Variants in ZNF442 observed in about 807,000 individuals in gnomAD.
ZNF442 encodes the protein zinc finger protein 442.
ZNF442 carries 45 observed loss-of-function variants against 57.0 expected under a neutral mutation model. The ratio of observed to expected loss-of-function variants is 0.79; its 90% CI spans 0.62 to 1.01. The LOEUF (loss-of-function observed/expected upper bound fraction) is 1.01, where lower values mean the gene tolerates loss of function less well. Among genes scored for constraint, ZNF442 ranks in the 50% least tolerant of loss-of-function variants. ZNF442 has a pLI of 0.00. For synonymous variants in ZNF442, 213 were observed against 241.8 expected (o/e 0.88, Z 1.10); for missense variants, 690 against 756.5 (o/e 0.91, Z 1.03).
At chr19:12,369,032 T>C (rs1245732281), upstream of ZNF442, among the ~76,000 whole-genome samples, 1 of 152,182 alleles carries the variant, frequency 6.6e-6, no homozygotes, top group Non-Finnish European at 1.5e-5. Context: ...TTCCCATATT[T>C]GTATGAAATA....
chr19:12,365,763 C>T (rs1484085832), upstream of ZNF442: 1 of 165,944 alleles, frequency 6.0e-6, no homozygotes, highest in Non-Finnish European at 1.2e-5. Context: ...CTCCAAATTC[C>T]GCCCCCCCAG....
rs1338766483 is a variant in ZNF442 at position 12,354,154 on chromosome 19, T to C, written c.79-1040A>G. On this transcript the variant is annotated intron_variant, in intron 3 of 5. Transcript: ENST00000242804. Reference sequence around the variant, plus strand: ...CTGAGTCTCTAATGAATGACATCCATAAATAACTTTTCAAAATGTTTATTG... The same window carrying C: ...CTGAGTCTCTAATGAATGACATCCACAAATAACTTTTCAAAATGTTTATTG... 5.3e-5 allele frequency among the ~76,000 whole-genome samples: 8 copies of C among 152,192 alleles called. No individual in the cohort carries two copies. The East Asian group carries it at 1.5e-3, about 29-fold the overall frequency.
At chr19:12,362,800 CAGATTGTTGT>C (rs1309495946) in intron 3 of ZNF442, among the ~76,000 whole-genome samples, 1 of 151,276 alleles carries the variant, frequency 6.6e-6, no homozygotes, top group Non-Finnish European at 1.5e-5. Context: ...AAAGAGAAAT[CAGATTGTTGT>C]TGTGTCTGTG....
intron 3 of ZNF442, among the ~76,000 whole-genome samples, chr19:12,354,068 G>C (rs1421452351): frequency 6.6e-6 from 1 of 152,054 alleles, no homozygotes; most frequent in African/African-American, 2.4e-5. Context: ...TCTAGCTTCA[G>C]GTATTCTGTT....
In ZNF442 at chr19:12,358,859, C is replaced by G. The variant is rs1343152640; in HGVS notation, c.78+4695G>C. On this transcript the variant is annotated intron_variant, in intron 3 of 5. Coordinates refer to ENST00000242804, the MANE Select transcript of ZNF442 (RefSeq NM_030824.3). ...ATGTCACAACCAATCAGCCACCAGG[C>G]AGATGCCAGTGGCAAGCCCCAGAGA... Among the ~76,000 whole-genome samples the G allele has an allele frequency of 4.6e-5, 7 of 152,160 alleles. No individual in the cohort carries two copies. In the South Asian group the frequency reaches 1.4e-3, roughly 32 times the overall value.
At chr19:12,371,876 A>G in the ZNF442 span, among the ~76,000 whole-genome samples, 1 of 152,242 alleles carries the variant, frequency 6.6e-6, no homozygotes, top group Non-Finnish European at 1.5e-5. Context: ...CATCCTGTAC[A>G]CAGGAACAGG....
chr19:12,370,472 T>C (rs1969571752), upstream of ZNF442, among the ~76,000 whole-genome samples: 1 of 152,026 alleles, frequency 6.6e-6, no homozygotes. Context: ...CACAGTCTGG[T>C]ACCGATCCAT....
chr19:12,363,619 C>T lies in ZNF442; in HGVS notation c.13G>A (p.Gly5Arg), dbSNP rs147171494. The T allele has an allele frequency of 6.2e-7, 1 of 1,614,170 alleles. No individual in the cohort carries two copies. Among genetic ancestry groups the T allele is most frequent in the Non-Finnish European group, 8.5e-7 (1 of 1,180,008 alleles). The change falls in exon 3 of 6, where the codon GGG becomes AGG. Residue 5 changes from glycine to arginine, a missense_variant. By Grantham distance (125) the Gly-to-Arg change is moderately radical. Coordinates refer to ENST00000242804, the MANE Select transcript of ZNF442 (RefSeq NM_030824.3). MIVFGGEDRSDLFLP... is the reference protein window; with the variant it reads MIVFRGEDRSDLFLP... The stretch of plus-strand genomic sequence containing the variant: ...AAGAGATCACTTCTGTCTTCTCCCC[C>T]AAATACAATCATTCAACTGGCTGAC...
intron 2 of ZNF442, 44 bp from the exon 3 acceptor site, chr19:12,363,715 T>G: frequency 7.7e-7 from 1 of 1,295,540 alleles, no homozygotes; most frequent in Non-Finnish European, 1.1e-6. Flanking sequence ...AGGGTTAGCT[T>G]TTTATAGAAA....
chr19:12,362,151 GA>G (rs1969440927), intron 3 of ZNF442, among the ~76,000 whole-genome samples: 1 of 152,228 alleles, frequency 6.6e-6, no homozygotes, highest in South Asian at 2.1e-4. Context: ...CCCCATCTGG[GA>G]AGCGAGGAGC....
rs1416755641 is a variant in ZNF442, at chr19:12,364,864, C to T, written c.-103G>A. 1 of 152,154 alleles carries T rather than the reference C, an allele frequency of 6.6e-6. No individual in the cohort carries two copies. Among genetic ancestry groups the T allele is most frequent in the African/African-American group, 2.4e-5 (1 of 41,428 alleles). 9.4% of individuals were successfully genotyped at this position (152,154 alleles called of 1,614,324 possible). ...GAGTCAGGTCACAGAAGACACTGAC[C>T]GCCGGCTTCTGCATTGTGCCTGGGG... On this transcript the variant is annotated 5_prime_UTR_variant, in exon 2 of 6. Transcript: ENST00000242804.
At chr19:12,367,624 T>C (rs1313139191), upstream of ZNF442, among the ~76,000 whole-genome samples, 1 of 152,122 alleles carries the variant, frequency 6.6e-6, no homozygotes, top group South Asian at 2.1e-4. Context: ...TCTATAGACC[T>C]ACCCCCAGGA....
At chr19:12,369,793 C>T (rs1254409714), upstream of ZNF442, among the ~76,000 whole-genome samples, 2 of 151,938 alleles carry the variant, frequency 1.3e-5, no homozygotes, top group East Asian at 1.9e-4. Flanking sequence ...GTAATCCCAG[C>T]TACTCAGGAG....
chr19:12,361,930 C>G (rs1028872758), intron 3 of ZNF442, among the ~76,000 whole-genome samples: 3 of 152,212 alleles, frequency 2.0e-5, no homozygotes, highest in African/African-American at 7.2e-5. Flanking sequence ...CCGTGTTGGC[C>G]GGGCTGGTCT....
chr19:12,369,310 C>T (rs747566853), upstream of ZNF442, among the ~76,000 whole-genome samples: 3 of 152,230 alleles, frequency 2.0e-5, no homozygotes, highest in Non-Finnish European at 4.4e-5. Context: ...AAACATGTCT[C>T]TTTATACCAC....
At chr19:12,367,318 G>A (rs1969544661), upstream of ZNF442, among the ~76,000 whole-genome samples, 1 of 152,166 alleles carries the variant, frequency 6.6e-6, no homozygotes, top group South Asian at 2.1e-4. Context: ...TAATAGGGGA[G>A]GGGGTGTACG....
At chr19:12,364,631 G>A (rs535021753) in intron 2 of ZNF442, among the ~76,000 whole-genome samples, 171 bp downstream of exon 2, 1 of 152,128 alleles carries the variant, frequency 6.6e-6, no homozygotes, top group African/African-American at 2.4e-5. Flanking sequence ...TGAGGGAACA[G>A]GGTAGTGGAT....
upstream of ZNF442, among the ~76,000 whole-genome samples, chr19:12,368,324 T>G (rs893153933): frequency 1.3e-5 from 2 of 152,228 alleles, no homozygotes; most frequent in African/African-American, 4.8e-5. Flanking sequence ...GTATTAATTT[T>G]GGGAACTAAT....
At chr19:12,365,695 G>A (rs1288911690), upstream of ZNF442, 6 of 204,164 alleles carry the variant, frequency 2.9e-5, no homozygotes, top group African/African-American at 4.7e-5. Flanking sequence ...CCCTCCTCCC[G>A]GCAGCGCGCC....
Sources: gnomAD v4.1 joint callset for allele counts (sites outside exome capture counted in the v4.1 genomes callset) on GRCh38, gnomAD v4.1.1 for gene constraint, MANE v1.5 for transcripts, NCBI Gene and HGNC (gene_info 2026-07-23, HGNC 2026-07-21) for gene names.